The following LRMDA variants were observed in gnomAD, a reference collection of about 807,000 sequenced individuals.
LRMDA encodes leucine rich melanocyte differentiation associated, also known as leucine-rich melanocyte differentiation-associated protein.
In LRMDA, 18 loss-of-function variants were observed where a neutral mutation model predicts 29.8. The observed-to-expected ratio is 0.60, with a 90% CI of 0.42 to 0.90. The LOEUF (loss-of-function observed/expected upper bound fraction) is 0.90. Among genes scored for constraint, LRMDA ranks in the 40% least tolerant of loss-of-function variants. The probability of loss-of-function intolerance (pLI) is 0.00; values close to 1 mark genes in which losing one functional copy is unlikely to be tolerated. For missense variants in LRMDA, 273 were observed against 273.9 expected (o/e 1.00, Z 0.02); for synonymous variants, 125 against 109.4 (o/e 1.14, Z -0.89).
intron 5 of LRMDA, among the ~76,000 whole-genome samples, chr10:76,147,847 G>A (rs1431473537): frequency 3.3e-5 from 5 of 152,096 alleles, no homozygotes; most frequent in African/African-American, 4.8e-5. Context: ...TGATGGTGAC[G>A]TACAGATGCA....
At chr10:75,946,603 G>A (rs1408067708) in intron 2 of LRMDA, among the ~76,000 whole-genome samples, 1 of 152,174 alleles carries the variant, frequency 6.6e-6, no homozygotes, top group Admixed American at 6.5e-5. Flanking sequence ...GGTTCGGATT[G>A]CCCATCCTAG....
chr10:76,167,728 G>A (rs1342276636), intron 5 of LRMDA, among the ~76,000 whole-genome samples: 1 of 152,074 alleles, frequency 6.6e-6, no homozygotes, highest in Admixed American at 6.6e-5. Context: ...GATTCCCTTG[G>A]CTATTTGGGC....
chr10:75,844,858 C>T (rs1206487414), intron 2 of LRMDA, among the ~76,000 whole-genome samples: 2 of 152,114 alleles, frequency 1.3e-5, no homozygotes, highest in Non-Finnish European at 2.9e-5. Flanking sequence ...CTGGGATGTA[C>T]ATATGAAGCC....
intron 5 of LRMDA, among the ~76,000 whole-genome samples, chr10:76,312,096 A>C (rs1175632634): frequency 6.6e-6 from 1 of 152,148 alleles, no homozygotes; most frequent in Non-Finnish European, 1.5e-5. Flanking sequence ...TCTCCTGCTA[A>C]TGCTAAAAAT....
intron 2 of LRMDA, among the ~76,000 whole-genome samples, chr10:75,643,957 C>A (rs1841483744): frequency 1.3e-5 from 2 of 152,064 alleles, no homozygotes; most frequent in South Asian, 4.1e-4. Flanking sequence ...AGCTTTATTT[C>A]TTGTGATTTA....
At chr10:76,375,320 G>GA (rs11299089) in intron 6 of LRMDA, among the ~76,000 whole-genome samples, 57 of 150,814 alleles carry the variant, frequency 3.8e-4, no homozygotes, top group African/African-American at 1.1e-3. Flanking sequence ...TGTTTCAAAT[G>GA]AAAAAAAAAA....
intron 3 of LRMDA, among the ~76,000 whole-genome samples, chr10:76,038,104 C>A (rs142231796): frequency 2.0e-5 from 3 of 152,270 alleles, no homozygotes; most frequent in African/African-American, 7.2e-5. Context: ...GATTTTTAGA[C>A]ATGTCCTGTG....
At chr10:76,195,162 C>T (rs891686234) in intron 5 of LRMDA, among the ~76,000 whole-genome samples, 2 of 152,194 alleles carry the variant, frequency 1.3e-5, no homozygotes, top group African/African-American at 4.8e-5. Flanking sequence ...GTGCCCCCTA[C>T]TAATAATTTG....
In LRMDA at chr10:76,053,333, G is replaced by A. The variant is rs183682242; in HGVS notation, c.399-5333G>A. ...AGTTAACCTTCCCGCATTGTTAACTGAAATGTTTTATGTACTATGCAACTT... is the reference window on the plus strand; with the variant it reads ...AGTTAACCTTCCCGCATTGTTAACTAAAATGTTTTATGTACTATGCAACTT... On this transcript the variant is annotated intron_variant, in intron 4 of 6. Coordinates refer to ENST00000611255, the MANE Select transcript of LRMDA (RefSeq NM_001305581.2). Among the ~76,000 whole-genome samples, 333 of 152,296 alleles carry A rather than the reference G, an allele frequency of 2.2e-3. 2 individuals are homozygous for A. The highest frequency in any genetic ancestry group is 7.4e-3 in the African/African-American group (309 of 41,568).
chr10:76,534,444 A>G (rs559960764), intron 6 of LRMDA, among the ~76,000 whole-genome samples: 4 of 152,218 alleles, frequency 2.6e-5, no homozygotes, highest in East Asian at 1.9e-4. Flanking sequence ...TTCCCTTTCC[A>G]CTGGCCTGAT....
At chr10:75,566,618 T>G (rs2132066916) in intron 2 of LRMDA, among the ~76,000 whole-genome samples, 1 of 152,260 alleles carries the variant, frequency 6.6e-6, no homozygotes, top group Admixed American at 6.5e-5. Context: ...TCTTCAAAGC[T>G]TCTCTCCTTT....
At chr10:76,047,092 C>T in intron 3 of LRMDA, 72 bp from the exon 4 acceptor site, 1 of 1,556,044 alleles carries the variant, frequency 6.4e-7, no homozygotes, top group Non-Finnish European at 8.8e-7. Context: ...CTCATCAGCG[C>T]CTGTCAGTCA....
intron 6 of LRMDA, among the ~76,000 whole-genome samples, chr10:76,483,610 T>C (rs1443843683): frequency 6.6e-6 from 1 of 151,718 alleles, no homozygotes; most frequent in Non-Finnish European, 1.5e-5. Context: ...ACAGTGGCCT[T>C]AGTGTGTGAG....
At chr10:75,707,505 G>C (rs1399929382) in intron 2 of LRMDA, among the ~76,000 whole-genome samples, 5 of 152,238 alleles carry the variant, frequency 3.3e-5, no homozygotes, top group Admixed American at 2.6e-4. Context: ...GGAAGAGCCA[G>C]TTAGAAAATG....
chr10:76,211,751 G>T (rs747163668), intron 5 of LRMDA, among the ~76,000 whole-genome samples: 2 of 152,222 alleles, frequency 1.3e-5, no homozygotes, highest in Non-Finnish European at 2.9e-5. Context: ...TGCAGTGTTT[G>T]CTTCAAAGAG....
chr10:75,985,151 A>C (rs953928461), intron 2 of LRMDA, among the ~76,000 whole-genome samples: 1 of 151,978 alleles, frequency 6.6e-6, no homozygotes, highest in Non-Finnish European at 1.5e-5. Context: ...TTTGAGGGAG[A>C]ATTCTGAGAA....
At chr10:75,809,329 T>G (rs1335908714) in intron 2 of LRMDA, among the ~76,000 whole-genome samples, 1 of 152,106 alleles carries the variant, frequency 6.6e-6, no homozygotes, top group African/African-American at 2.4e-5. Context: ...TTGCTACGGG[T>G]GAGGATGGAG....
intron 5 of LRMDA, among the ~76,000 whole-genome samples, chr10:76,225,644 A>G (rs1851939208): frequency 6.6e-6 from 1 of 151,816 alleles, no homozygotes; most frequent in Admixed American, 6.6e-5. Context: ...TGGCTCCTGT[A>G]TTAGTCCATG....
chr10:76,185,574 C>T (rs1051255715), intron 5 of LRMDA, among the ~76,000 whole-genome samples: 2 of 152,118 alleles, frequency 1.3e-5, no homozygotes, highest in Non-Finnish European at 2.9e-5. Flanking sequence ...CAAGTCCTCC[C>T]CTATCTTCTA....
Sources: allele counts gnomAD v4.1 joint callset (sites outside exome capture counted in the v4.1 genomes callset), GRCh38; gene constraint gnomAD v4.1.1; transcripts MANE v1.5; gene names NCBI Gene and HGNC (gene_info 2026-07-23, HGNC 2026-07-21).